PCDH9: variants seen among roughly 807,000 people sequenced by gnomAD.
PCDH9 encodes protocadherin 9.
PCDH9 carries 24 observed loss-of-function variants against 70.6 expected under a neutral mutation model. The ratio of observed to expected loss-of-function variants is 0.34; its 90% CI spans 0.25 to 0.48. PCDH9 has a LOEUF of 0.48. PCDH9 is among the 20% of genes least tolerant of loss of function. PCDH9 has a pLI of 0.99. For missense variants in PCDH9, 1,281 were observed against 1,503.6 expected (o/e 0.85, Z 2.45); for synonymous variants, 562 against 558.5 (o/e 1.01, Z -0.09).
At chr13:66,829,903 C>T (rs985034943) in intron 3 of PCDH9, among the ~76,000 whole-genome samples, 4 of 151,734 alleles carry the variant, frequency 2.6e-5, no homozygotes, top group African/African-American at 9.7e-5. Flanking sequence ...TTACATTTGA[C>T]CCTAAGGCTA....
intron 3 of PCDH9, among the ~76,000 whole-genome samples, chr13:66,849,871 G>A (rs184531671): frequency 1.4e-3 from 211 of 152,232 alleles, no homozygotes; most frequent in African/African-American, 4.8e-3. Context: ...TGACCTTGGT[G>A]CTGGCACATT....
chr13:66,455,507 A>T (rs1958300712), intron 4 of PCDH9, among the ~76,000 whole-genome samples: 1 of 152,030 alleles, frequency 6.6e-6, no homozygotes. Flanking sequence ...CTCTTGGAAC[A>T]TTTTAGAATC....
chr13:66,640,790 T>G (rs1468708166), intron 3 of PCDH9, among the ~76,000 whole-genome samples: 1 of 152,238 alleles, frequency 6.6e-6, no homozygotes, highest in Non-Finnish European at 1.5e-5. Flanking sequence ...CATGACGGAT[T>G]GTTAATTTGC....
At chr13:66,995,551 AG>A (rs2084096335) in intron 2 of PCDH9, among the ~76,000 whole-genome samples, 1 of 152,144 alleles carries the variant, frequency 6.6e-6, no homozygotes, top group African/African-American at 2.4e-5. Context: ...CTAAGTTTTG[AG>A]GTTGGGTTAG....
At chr13:66,889,282 C>A (rs1223432172) in intron 3 of PCDH9, among the ~76,000 whole-genome samples, 2 of 152,290 alleles carry the variant, frequency 1.3e-5, no homozygotes, top group East Asian at 1.9e-4. Context: ...TTTATTGGGT[C>A]TTATTTAAAC....
At chr13:67,118,817 TA>T (rs1276877117) in intron 2 of PCDH9, among the ~76,000 whole-genome samples, 2 of 152,170 alleles carry the variant, frequency 1.3e-5, no homozygotes, top group Non-Finnish European at 2.9e-5. Context: ...TTATCCTAAA[TA>T]CCTTTTCCTA....
chr13:67,043,950 A>G (rs763187203), intron 2 of PCDH9, among the ~76,000 whole-genome samples: 10 of 152,142 alleles, frequency 6.6e-5, no homozygotes, highest in Non-Finnish European at 1.5e-4. Context: ...GGAAACTTCA[A>G]ACCTGGTCAT....
chr13:66,751,166 G>A (rs574385957), intron 3 of PCDH9, among the ~76,000 whole-genome samples: 1 of 151,776 alleles, frequency 6.6e-6, no homozygotes, highest in South Asian at 2.1e-4. Flanking sequence ...AACAACATAC[G>A]TACCTTGCAA....
intron 2 of PCDH9, among the ~76,000 whole-genome samples, chr13:67,112,794 T>C (rs185978661): frequency 1.4e-4 from 21 of 152,098 alleles, no homozygotes; most frequent in African/African-American, 5.1e-4. Context: ...CACGGTTAAC[T>C]GCAGCCTCGA....
chr13:66,541,452 A>C (rs1960949510), intron 4 of PCDH9, among the ~76,000 whole-genome samples: 1 of 152,184 alleles, frequency 6.6e-6, no homozygotes, highest in Admixed American at 6.5e-5. Context: ...TGTCAGCATG[A>C]AGATATTCGC....
At chr13:66,474,409 G>C (rs755639606) in intron 4 of PCDH9, among the ~76,000 whole-genome samples, 19 of 151,924 alleles carry the variant, frequency 1.3e-4, no homozygotes, top group Non-Finnish European at 2.5e-4. Flanking sequence ...TCTGAAGCAG[G>C]GTACAATAGA....
intron 2 of PCDH9, among the ~76,000 whole-genome samples, chr13:66,926,369 A>T (rs1300836051): frequency 6.6e-6 from 1 of 151,906 alleles, no homozygotes; most frequent in East Asian, 1.9e-4. Flanking sequence ...TCACACACAC[A>T]CCCTATTGAT....
At chr13:66,965,129 T>C (rs767315870) in intron 2 of PCDH9, among the ~76,000 whole-genome samples, 8 of 152,072 alleles carry the variant, frequency 5.3e-5, no homozygotes, top group Non-Finnish European at 8.8e-5. Context: ...TGTTATATAA[T>C]GAATAAAATT....
At chr13:66,551,001 T>A (rs1174143863) in intron 4 of PCDH9, among the ~76,000 whole-genome samples, 2 of 152,212 alleles carry the variant, frequency 1.3e-5, no homozygotes, top group African/African-American at 2.4e-5. Context: ...TTCATGACAT[T>A]TTTAGAAATG....
chr13:66,735,720 T>C (rs1362880526), intron 3 of PCDH9, among the ~76,000 whole-genome samples: 1 of 152,074 alleles, frequency 6.6e-6, no homozygotes, highest in Non-Finnish European at 1.5e-5. Context: ...TCCCAGCACT[T>C]TGGGAGGGTG....
chr13:67,052,822 T>C (rs2085347875), intron 2 of PCDH9, among the ~76,000 whole-genome samples: 1 of 152,140 alleles, frequency 6.6e-6, no homozygotes, highest in South Asian at 2.1e-4. Context: ...TCAAGGTTTC[T>C]AGTTGGAGGA....
intron 3 of PCDH9, among the ~76,000 whole-genome samples, chr13:66,637,670 T>C (rs1354622783): frequency 2.6e-5 from 4 of 152,092 alleles, no homozygotes; most frequent in Non-Finnish European, 4.4e-5. Context: ...TCCGAGCACT[T>C]TGGGAGGCCG....
chr13:66,377,825 T>C (rs529851463), intron 4 of PCDH9, among the ~76,000 whole-genome samples: 3 of 152,322 alleles, frequency 2.0e-5, no homozygotes, highest in Admixed American at 6.5e-5. Flanking sequence ...CTGTCAACCC[T>C]GTGTTATCTA....
intron 2 of PCDH9, chr13:67,221,734 T>C (rs1202405978): frequency 6.6e-6 from 1 of 152,024 alleles, no homozygotes; most frequent in Non-Finnish European, 1.5e-5. Context: ...AGAAATTAAT[T>C]CCCTAAATGC....
Sources: gnomAD v4.1 joint callset for allele counts (sites outside exome capture counted in the v4.1 genomes callset) on GRCh38, gnomAD v4.1.1 for gene constraint, MANE v1.5 for transcripts, NCBI Gene and HGNC (gene_info 2026-07-23, HGNC 2026-07-21) for gene names.